Variants in PRPF18 observed in about 807,000 individuals in gnomAD.
PRPF18 encodes the protein pre-mRNA-splicing factor 18.
In PRPF18, 38 loss-of-function variants were observed where a neutral mutation model predicts 46.5. That is an observed-to-expected ratio of 0.82 (90% CI 0.63 to 1.07). PRPF18 has a LOEUF of 1.07. Among genes scored for constraint, PRPF18 ranks in the 50% least tolerant of loss-of-function variants. The probability of loss-of-function intolerance (pLI) is 0.00; values close to 1 mark genes in which losing one functional copy is unlikely to be tolerated. For synonymous variants in PRPF18, 152 were observed against 146.7 expected (o/e 1.04, Z -0.26); for missense variants, 263 against 410.0 (o/e 0.64, Z 3.10).
intron 1 of PRPF18, 97 bp downstream of exon 1, chr10:13,587,249 C>A: frequency 2.3e-6 from 3 of 1,320,922 alleles, no homozygotes; most frequent in Non-Finnish European, 3.2e-6. Flanking sequence ...GGATTCGGGG[C>A]GGGGACGGGG....
At chr10:13,653,283 G>GT in the PRPF18 span, 4 of 152,164 alleles carry the variant, frequency 2.6e-5, no homozygotes, top group African/African-American at 9.6e-5. Context: ...GGAAGCTGAG[G>GT]TGGGTGGATC....
downstream of PRPF18, among the ~76,000 whole-genome samples, chr10:13,634,935 G>T (rs1339606607): frequency 6.6e-6 from 1 of 152,088 alleles, no homozygotes; most frequent in African/African-American, 2.4e-5. Context: ...GGATGTGCAG[G>T]TTTGTTGCAT....
the PRPF18 span, chr10:13,649,135 CTT>C: frequency 1.3e-5 from 2 of 152,094 alleles, no homozygotes; most frequent in African/African-American, 2.4e-5. Context: ...AGTTGACTCT[CTT>C]GTATGTTGGA....
chr10:13,602,769 G>A (rs1163057539), intron 3 of PRPF18, among the ~76,000 whole-genome samples: 1 of 152,162 alleles, frequency 6.6e-6, no homozygotes, highest in South Asian at 2.1e-4. Context: ...GTCTCACTGT[G>A]TCTCCCAGGC....
rs552926682 is a variant in PRPF18, at chr10:13,605,855, T to A, written c.363+111T>A. On this transcript the variant is annotated intron_variant, in intron 4 of 9. Coordinates refer to ENST00000378572, the MANE Select transcript of PRPF18 (RefSeq NM_003675.4). ...CAATGGAAAAGTAAAGTGAGCAGAT[T>A]ATTGCTGCTGAATGGAAGTTTTCAT... The A allele has an allele frequency of 1.0e-5, 14 of 1,351,486 alleles. No individual in the cohort carries two copies. In the South Asian group the frequency reaches 2.8e-4, roughly 27 times the overall value. The allele number at this position is 1,351,486 out of a possible 1,614,324, so 83.7% of individuals were successfully genotyped here. A position where few individuals can be genotyped will look rare whatever the true frequency, so the allele number is the denominator to read the frequency against.
chr10:13,654,571 G>A, the PRPF18 span: 1 of 1,076,206 alleles, frequency 9.3e-7, no homozygotes, highest in Non-Finnish European at 1.4e-6. Context: ...ACAGGTGAAA[G>A]AGCTTGCGAC....
the PRPF18 span, among the ~76,000 whole-genome samples, chr10:13,650,614 C>T: frequency 6.6e-6 from 1 of 152,196 alleles, no homozygotes; most frequent in East Asian, 1.9e-4. Context: ...CTCATGACAT[C>T]ACCCTGGCAC....
At chr10:13,619,158 T>A (rs2080388974) in intron 9 of PRPF18, among the ~76,000 whole-genome samples, 1 of 152,196 alleles carries the variant, frequency 6.6e-6, no homozygotes, top group Non-Finnish European at 1.5e-5. Flanking sequence ...TGCCCTCTGC[T>A]CACCTCTGCT....
chr10:13,643,943 A>G, the PRPF18 span: 7 of 152,720 alleles, frequency 4.6e-5, no homozygotes, highest in East Asian at 9.6e-4. Context: ...TTTTTCCCCC[A>G]TTATTAAACT....
Position 13,614,027 on chromosome 10 carries a change from G to A in PRPF18, c.733G>A (p.Asp245Asn). ...TTATTTTTTTCAGAATCTTCCTGCT[G>A]ATATTAAAGAATCAATAACGGATAT... ...RKLRKRNLPADIKESITDIIK... is the reference protein window; with the variant it reads ...RKLRKRNLPANIKESITDIIK... The change falls in exon 8 of 10, where the codon GAT becomes AAT. Residue 245 changes from aspartate (D) to asparagine (N), a missense_variant. By Grantham distance (23) the Asp-to-Asn change is conservative. Transcript: ENST00000378572. 6.3e-7 allele frequency: 1 copy of A among 1,587,930 alleles called. No homozygotes were observed. The highest frequency in any genetic ancestry group is 1.2e-5 in the South Asian group (1 of 86,732).
intron 3 of PRPF18, among the ~76,000 whole-genome samples, chr10:13,601,654 G>A (rs1056838064): frequency 9.9e-5 from 15 of 152,100 alleles, no homozygotes; most frequent in African/African-American, 3.6e-4. Flanking sequence ...TTTTATGTTG[G>A]GGGGTGTGTG....
In PRPF18 at chr10:13,605,670, C is replaced by T; in HGVS notation, c.289C>T (p.Leu97=). The part of the protein sequence containing the change: ...RLRERGEPIR[L]FGETDYDAFQ... ...GAGAGAAAGAGGAGAACCAATCAGA[C>T]TATTTGGAGAGACTGATTATGATGC... The change falls in exon 4 of 10, where the codon CTA becomes TTA. Residue 97 remains leucine (L), a synonymous_variant. Coordinates refer to ENST00000378572, the MANE Select transcript of PRPF18 (RefSeq NM_003675.4). The T allele has an allele frequency of 6.2e-6, 10 of 1,610,678 alleles. No homozygotes were observed. The highest frequency in any genetic ancestry group is 8.5e-6 in the Non-Finnish European group (10 of 1,178,496).
At chr10:13,654,465 C>T in the PRPF18 span, 1 of 1,613,942 alleles carries the variant, frequency 6.2e-7, no homozygotes, top group East Asian at 2.2e-5. Flanking sequence ...GGGGTGGCTC[C>T]AATTTCACTT....
At chr10:13,603,063 G>A (rs1193442783) in intron 3 of PRPF18, among the ~76,000 whole-genome samples, 1 of 152,214 alleles carries the variant, frequency 6.6e-6, no homozygotes, top group Non-Finnish European at 1.5e-5. Context: ...ACATTGAAAA[G>A]CTTGAGTTAA....
chr10:13,639,390 A>G, the PRPF18 span: 179 of 152,312 alleles, frequency 1.2e-3, no homozygotes, highest in African/African-American at 4.2e-3. Flanking sequence ...TCTGTTATAG[A>G]TGTGAAAGAT....
At chr10:13,644,561 GA>G in the PRPF18 span, 1 of 152,128 alleles carries the variant, frequency 6.6e-6, no homozygotes, top group Non-Finnish European at 1.5e-5. Flanking sequence ...CAAATCTTTA[GA>G]ATTTTTGCCT....
In PRPF18 at chr10:13,610,170, A is replaced by G; in HGVS notation, c.495A>G (p.Thr165=). The G allele has an allele frequency of 6.2e-7, 1 of 1,614,050 alleles. No homozygotes were observed. The highest frequency in any genetic ancestry group is 8.5e-7 in the Non-Finnish European group (1 of 1,179,932). Residue 165 remains threonine (T), a synonymous_variant, in exon 5 of 10, where the codon ACA becomes ACG. Transcript: ENST00000378572. ...TGAAAGTTCATGAGGAAAACACCAC[A>G]ATTGAAGAGTTAGAGGTAATCTCTA... is the stretch of plus-strand genomic sequence containing the variant. ...NDLKVHEENT[T]IEELEALGES...
At chr10:13,638,233 C>T in the PRPF18 span, 1 of 151,504 alleles carries the variant, frequency 6.6e-6, no homozygotes, top group Non-Finnish European at 1.5e-5. Context: ...GCTTGGTGGC[C>T]ATCCTGCAAT....
Position 13,605,698 on chromosome 10 carries a change from T to G in PRPF18, c.317T>G (p.Phe106Cys), listed in dbSNP as rs750607860. The G allele has an allele frequency of 6.2e-7, 1 of 1,613,694 alleles. No homozygotes were observed. Among genetic ancestry groups the G allele is most frequent in the East Asian group, 2.2e-5 (1 of 44,852 alleles). Residue 106 changes from phenylalanine to cysteine, a missense_variant, in exon 4 of 10, where the codon TTT (phenylalanine) becomes TGT (cysteine). Phe to Cys is a radical substitution (Grantham distance 205, BLOSUM62 -2). Transcript: ENST00000378572. Reference sequence around the variant, plus strand: ...TTTGGAGAGACTGATTATGATGCTTTTCAACGTTTAAGGAAAATAGAGATC... The same window carrying G: ...TTTGGAGAGACTGATTATGATGCTTGTCAACGTTTAAGGAAAATAGAGATC... ...RLFGETDYDA[F>C]QRLRKIEILT...
Sources: gnomAD v4.1 joint callset for allele counts (sites outside exome capture counted in the v4.1 genomes callset) on GRCh38, gnomAD v4.1.1 for gene constraint, MANE v1.5 for transcripts, NCBI Gene and HGNC (gene_info 2026-07-23, HGNC 2026-07-21) for gene names.